Variants in AKNA observed in about 807,000 individuals in gnomAD.
AKNA encodes AT-hook transcription factor.
Under a neutral mutation model 138.8 loss-of-function variants are expected in AKNA, and 67 were observed. The ratio of observed to expected loss-of-function variants is 0.48; its 90% confidence interval spans 0.40 to 0.59. The LOEUF is 0.59. Among genes scored for constraint, AKNA ranks in the 20% least tolerant of loss-of-function variants. The pLI, the probability that AKNA is intolerant of heterozygous loss-of-function variation, is 0.00. For missense variants in AKNA, 1,813 were observed against 1,880.4 expected, an observed-to-expected ratio of 0.96 and a Z score of 0.66; for synonymous variants, 737 against 754.4, an observed-to-expected ratio of 0.98 and a Z score of 0.38.
intron 6 of AKNA, 25 bp from the exon 7 acceptor site, chr9:114,364,644 T>C (rs1473381246): frequency 3.1e-6 from 5 of 1,611,724 alleles, no homozygotes; most frequent in Non-Finnish European, 4.2e-6. Flanking sequence ...GGGAAGGAAA[T>C]ATGCTCCATT....
At chr9:114,398,052 C>T (rs1405441748), upstream of AKNA, among the ~76,000 whole-genome samples, 1 of 152,188 alleles carries the variant, frequency 6.6e-6, no homozygotes, top group Non-Finnish European at 1.5e-5. This position sits in a 1 kb window ranked among gnomAD's most constrained non-coding sequence, Gnocchi z 4.2. Context: ...GAGGCCCCGC[C>T]AAGGCCCACC....
chr9:114,381,896 G>A (rs1457247389), intron 1 of AKNA, among the ~76,000 whole-genome samples: 1 of 151,994 alleles, frequency 6.6e-6, no homozygotes, highest in African/African-American at 2.4e-5. Flanking sequence ...TGATCCACCC[G>A]CCTTGGCCTC....
At chr9:114,367,927 C>A (rs1398177090) in intron 5 of AKNA, among the ~76,000 whole-genome samples, 1 of 152,260 alleles carries the variant, frequency 6.6e-6, no homozygotes, top group African/African-American at 2.4e-5. Context: ...TGGAGCAGAG[C>A]TACGCTAGGC....
intron 6 of AKNA, among the ~76,000 whole-genome samples, chr9:114,365,698 A>G (rs1281076335): frequency 6.6e-6 from 1 of 152,190 alleles, no homozygotes; most frequent in African/African-American, 2.4e-5. Context: ...TTAGCCCCAA[A>G]TATCATTTCA....
chr9:114,389,239 G>A (rs941388938), upstream of AKNA, among the ~76,000 whole-genome samples: 3 of 152,006 alleles, frequency 2.0e-5, no homozygotes, highest in Non-Finnish European at 1.5e-5. Context: ...AGCGGGAGAA[G>A]CAGGAGCTTC....
chr9:114,375,497 T>C (rs1450029918), intron 3 of AKNA, among the ~76,000 whole-genome samples: 1 of 152,230 alleles, frequency 6.6e-6, no homozygotes, highest in East Asian at 1.9e-4. Context: ...CAGAGAGATC[T>C]GAATGCGGGT....
In AKNA at chr9:114,350,927, G is replaced by A. The variant is rs726891; in HGVS notation, c.3153C>T (p.Ala1051=). Residue 1051 remains alanine, a synonymous_variant, in exon 15 of 22, where the codon GCC becomes GCT. Coordinates refer to ENST00000374088, the MANE Select transcript of AKNA (RefSeq NM_001317950.2). ...TISPPPAPAP[A]AAPLPCGPTE... ...TTGGTCCACAGGGTAGAGGCGCAGC[G>A]GCAGGGGCGGGGGCTGGGGGTGGGC... 5.4e-3 allele frequency: 8,745 copies of A among 1,611,266 alleles called. 446 individuals carry two copies. In the African/African-American group the frequency reaches 0.1, roughly 19 times the overall value.
Position 114,387,964 on chromosome 9 carries a change from C to G in AKNA, c.-218G>C, listed in dbSNP as rs1834166364. The G allele has an allele frequency of 2.3e-6, 1 of 435,794 alleles. No individual in the cohort carries two copies. The highest frequency in any genetic ancestry group is 2.0e-5 in the African/African-American group (1 of 49,816). The allele number at this position is 435,794 out of a possible 1,614,324, so 27.0% of individuals were successfully genotyped here. A position where few individuals can be genotyped will look rare whatever the true frequency, so the allele number is the denominator to read the frequency against. ...GCCCCCTGTCTCCATTGCGCCCTGG[C>G]CCACCTCCAGGCCGTTCTGCCAGCC... On this transcript the variant is annotated 5_prime_UTR_variant, in exon 1 of 22. Coordinates refer to ENST00000374088, the MANE Select transcript of AKNA (RefSeq NM_001317950.2).
intron 7 of AKNA, among the ~76,000 whole-genome samples, chr9:114,363,346 G>A (rs543628755): frequency 1.3e-5 from 2 of 152,348 alleles, no homozygotes; most frequent in African/African-American, 4.8e-5. Context: ...ACTCAACTCT[G>A]AGGAGAGACA....
intron 7 of AKNA, 57 bp downstream of exon 7, chr9:114,364,503 C>T: frequency 6.4e-7 from 1 of 1,569,386 alleles, no homozygotes; most frequent in South Asian, 1.1e-5. Flanking sequence ...GAGACAGAGT[C>T]ATGGGAGACA....
Position 114,393,025 on chromosome 9 carries a change from C to A in AKNA, c.-114+1332G>T, listed in dbSNP as rs1471516836. ...AAACCGTGCACGTGCCAGGAAGGGA[C>A]TGCTAACAGCAAAACTATACTGAAC... is the stretch of plus-strand genomic sequence containing the variant. On this transcript the variant is annotated intron_variant, in intron 1 of 21. Coordinates refer to the AKNA transcript ENST00000307564. 2.6e-5 allele frequency among the ~76,000 whole-genome samples: 4 copies of A among 152,162 alleles called. No homozygotes were observed. The East Asian group carries it at 7.7e-4, about 29-fold the overall frequency.
downstream of AKNA, among the ~76,000 whole-genome samples, chr9:114,331,263 A>G (rs1282291078): frequency 6.6e-6 from 1 of 152,044 alleles, no homozygotes; most frequent in East Asian, 1.9e-4. Flanking sequence ...GATCTGATGG[A>G]GCTGAACTGA....
chr9:114,350,819 T>G, intron 15 of AKNA, 40 bp downstream of exon 15: 1 of 1,517,270 alleles, frequency 6.6e-7, no homozygotes, highest in South Asian at 1.3e-5. Context: ...CCCGTCTGTA[T>G]GATGAGCTTG....
At chr9:114,396,352 GT>G (rs1015617519), upstream of AKNA, among the ~76,000 whole-genome samples, 51 of 152,262 alleles carry the variant, frequency 3.3e-4, no homozygotes, top group African/African-American at 1.2e-3. Flanking sequence ...CTGAGCAAAA[GT>G]TTCTTATGAT....
intron 19 of AKNA, 72 bp downstream of exon 19, chr9:114,343,636 T>C (rs1249490621): frequency 1.1e-5 from 16 of 1,490,580 alleles, no homozygotes; most frequent in Non-Finnish European, 1.5e-5. Context: ...TCTTGTCAAG[T>C]ACACACTCCC....
At chr9:114,360,164 G>T in intron 9 of AKNA, 102 bp from the exon 10 acceptor site, 1 of 1,452,162 alleles carries the variant, frequency 6.9e-7, no homozygotes, top group South Asian at 1.2e-5. Flanking sequence ...TGCGGGGTAA[G>T]AAGCACATTA....
chr9:114,357,067 C>G, intron 12 of AKNA, 98 bp from the exon 13 acceptor site: 1 of 1,086,074 alleles, frequency 9.2e-7, no homozygotes, highest in Non-Finnish European at 1.3e-6. Context: ...CCCAGAGGCT[C>G]ACACCCCAGG....
chr9:114,358,990 A>G (rs1831715173), intron 11 of AKNA: 1 of 153,754 alleles, frequency 6.5e-6, no homozygotes, highest in South Asian at 2.0e-4. Context: ...AAAAATAAAA[A>G]AGACACCACA....
chr9:114,361,572 A>T, intron 9 of AKNA, 132 bp downstream of exon 9: 1 of 1,036,438 alleles, frequency 9.6e-7, no homozygotes, highest in Non-Finnish European at 1.5e-6. Flanking sequence ...ATAAATATGT[A>T]ATATTTACAT....
Sources: allele counts gnomAD v4.1 joint callset (sites outside exome capture counted in the v4.1 genomes callset), GRCh38; gene constraint gnomAD v4.1.1; non-coding constraint Gnocchi (gnomAD v3.1); transcripts MANE v1.5; gene names NCBI Gene and HGNC (gene_info 2026-07-23, HGNC 2026-07-21).